CFAP100: variants seen among roughly 807,000 people sequenced by gnomAD.
CFAP100 encodes cilia and flagella associated protein 100, also known as cilia- and flagella-associated protein 100.
A neutral mutation model predicts 81.5 loss-of-function variants in CFAP100; 70 were observed. The observed-to-expected ratio is 0.86, with a 90% CI of 0.71 to 1.05. CFAP100 has a LOEUF of 1.05. Among genes scored for constraint, CFAP100 ranks in the 50% least tolerant of loss-of-function variants. CFAP100 has a pLI of 0.00. For synonymous variants in CFAP100, 341 were observed against 314.8 expected (o/e 1.08, Z -0.88); for missense variants, 811 against 776.5 (o/e 1.04, Z -0.53).
chr3:126,418,590 C>T (rs537434539), intron 6 of CFAP100, 21 bp from the exon 7 acceptor site: 1 of 1,611,940 alleles, frequency 6.2e-7, no homozygotes, highest in Non-Finnish European at 8.5e-7. Context: ...GGCACCATGA[C>T]CCCACTCTGC....
Position 126,434,308 on chromosome 3 carries a change from G to C in CFAP100, c.1555G>C (p.Glu519Gln). The C allele has an allele frequency of 1.9e-6, 3 of 1,614,132 alleles. No individual in the cohort carries two copies. The highest frequency in any genetic ancestry group is 3.3e-4 in the Middle Eastern group (2 of 6,060). ...IIEHQLDELL[E>Q]NLEHVPQVKI... is the part of the protein sequence containing the mutation. ...TGAGCACCAGCTGGATGAGCTGCTA[G>C]AGAACCTGGAGCACGTGCCCCAGGT... is the stretch of plus-strand genomic sequence containing the variant. Residue 519 changes from glutamate (E) to glutamine (Q), a missense_variant, in exon 15 of 17, where the codon GAG becomes CAG. Coordinates refer to ENST00000352312, the MANE Select transcript of CFAP100 (RefSeq NM_182628.3).
chr3:126,398,155 T>G (rs2082916638), intron 2 of CFAP100, among the ~76,000 whole-genome samples: 1 of 151,958 alleles, frequency 6.6e-6, no homozygotes. Flanking sequence ...AGGGGCTGGT[T>G]TGGCCACAGC....
At chr3:126,426,575 C>T (rs1932948742) in intron 13 of CFAP100, among the ~76,000 whole-genome samples, 1 of 152,032 alleles carries the variant, frequency 6.6e-6, no homozygotes, top group Non-Finnish European at 1.5e-5. Flanking sequence ...CATGGTAAAA[C>T]CCCGTCTCTA....
At chr3:126,420,531 T>TCTGGTC (rs2083313826) in intron 11 of CFAP100, 1 of 425,504 alleles carries the variant, frequency 2.4e-6, no homozygotes, top group Non-Finnish European at 4.3e-6. Context: ...CCCCTGGTTG[T>TCTGGTC]CTGGTCCTGG....
rs2083362484 is a variant in CFAP100, at chr3:126,423,375, A to AG, written c.1134+1dup. The AG allele has an allele frequency of 6.2e-7, 1 of 1,613,288 alleles. No individual in the cohort carries two copies. Among genetic ancestry groups the AG allele is most frequent in the Non-Finnish European group, 8.5e-7 (1 of 1,179,722 alleles). ...CAGGAGGACACCGACAGCGATGGGG[A>AG]GGTGAATGGCCCAGTGCTGGGCTGG... On this transcript the variant is annotated frameshift_variant and splice_region_variant, in exon 12 of 17. Coordinates refer to ENST00000352312, the MANE Select transcript of CFAP100 (RefSeq NM_182628.3). LOFTEE classifies it high-confidence loss of function.
chr3:126,412,142 T>C (rs2083168062), intron 3 of CFAP100, among the ~76,000 whole-genome samples: 1 of 152,208 alleles, frequency 6.6e-6, no homozygotes, highest in Admixed American at 6.5e-5. Context: ...CAAATTTCCA[T>C]TTTGATTTCC....
chr3:126,408,860 C>T (rs1384957538), intron 3 of CFAP100, among the ~76,000 whole-genome samples: 1 of 152,226 alleles, frequency 6.6e-6, no homozygotes, highest in Admixed American at 6.5e-5. Flanking sequence ...TCGATCACAG[C>T]TCACTGCAGC....
rs759082761 is a variant in CFAP100, at chr3:126,416,498, C to A, written c.408C>A (p.Thr136=). ...AFRDYTTWKL[T]LTKEKNVEPE... ...GCGACTACACGACCTGGAAGCTCAC[C>A]TTGACCAAAGGTGCGTCCCCTCCGG... The change falls in exon 5 of 17, where the codon ACC becomes ACA. Residue 136 remains threonine (T), a synonymous_variant. Transcript: ENST00000352312. 4 of 1,593,012 alleles carry A rather than the reference C, an allele frequency of 2.5e-6. No individual in the cohort carries two copies. In the African/African-American group the frequency reaches 5.4e-5, roughly 21 times the overall value.
At position 126,434,182 on chromosome 3, in the gene CFAP100, C is replaced by A; in HGVS notation, c.1429C>A (p.Leu477Met). ...GAAGCCACCTCCTCCACAGGATAAG[C>A]TGCTAGAGAGCCTGAACTGCAAGGT... ...GEYKGDQQDK[L>M]LESLNCKVLD... Residue 477 changes from leucine (L) to methionine (M), a missense_variant, in exon 15 of 17, where the codon CTG becomes ATG. Physicochemically the swap from Leu to Met is conservative, Grantham distance 15. Coordinates refer to ENST00000352312, the MANE Select transcript of CFAP100 (RefSeq NM_182628.3). The A allele has an allele frequency of 6.2e-7, 1 of 1,610,714 alleles. No homozygotes were observed. Among genetic ancestry groups the A allele is most frequent in the Non-Finnish European group, 8.5e-7 (1 of 1,177,890 alleles).
chr3:126,409,495 C>T (rs777631593), intron 3 of CFAP100, among the ~76,000 whole-genome samples: 9 of 152,184 alleles, frequency 5.9e-5, no homozygotes, highest in Non-Finnish European at 1.3e-4. Context: ...AATTGCTGGT[C>T]GTGTGTTTAA....
intron 13 of CFAP100, among the ~76,000 whole-genome samples, chr3:126,425,118 G>A (rs1478944347): frequency 6.6e-6 from 1 of 152,234 alleles, no homozygotes; most frequent in Non-Finnish European, 1.5e-5. Flanking sequence ...GAGGTGGACA[G>A]GCTCCAGCTT....
chr3:126,419,545 G>C (rs903072964), intron 8 of CFAP100, 92 bp from the exon 9 acceptor site: 203 of 1,175,160 alleles, frequency 1.7e-4, no homozygotes, highest in Non-Finnish European at 2.4e-4. Flanking sequence ...ACACAGACTT[G>C]GCCAGGATGG....
Position 126,419,785 on chromosome 3 carries a change from G to A in CFAP100, c.880G>A (p.Glu294Lys). 1.9e-6 allele frequency: 3 copies of A among 1,613,990 alleles called. No homozygotes were observed. The highest frequency in any genetic ancestry group is 2.5e-6 in the Non-Finnish European group (3 of 1,180,050). Residue 294 changes from glutamate to lysine, a missense_variant, in exon 9 of 17, where the codon GAG becomes AAG. By Grantham distance (56) the Glu-to-Lys change is moderately conservative. Transcript: ENST00000352312. ...CAAGGAGGTCTCCGAGGCTTCCAAA[G>A]AGAGCAGTGTTAACTCCACACCAGG... ...KAKEVSEASK[E>K]SSVNSTPGDK...
At chr3:126,425,775 A>G (rs1005697732) in intron 13 of CFAP100, among the ~76,000 whole-genome samples, 2 of 152,246 alleles carry the variant, frequency 1.3e-5, no homozygotes, top group Non-Finnish European at 2.9e-5. Context: ...AAAACTTAAC[A>G]TAATCTGTCA....
chr3:126,428,023 G>T (rs115524383), intron 13 of CFAP100, among the ~76,000 whole-genome samples: 1 of 152,168 alleles, frequency 6.6e-6, no homozygotes, highest in South Asian at 2.1e-4. Context: ...CACCATTCAT[G>T]AGAAACTGCC....
intron 3 of CFAP100, among the ~76,000 whole-genome samples, chr3:126,412,687 C>T (rs2083176999): frequency 6.6e-6 from 1 of 152,156 alleles, no homozygotes; most frequent in African/African-American, 2.4e-5. Flanking sequence ...GGGGTGGGCT[C>T]ATCTTCACCT....
intron 13 of CFAP100, among the ~76,000 whole-genome samples, chr3:126,427,089 T>C (rs143797303): frequency 6.6e-6 from 1 of 152,368 alleles, no homozygotes; most frequent in African/African-American, 2.4e-5. Context: ...CCACTTGATC[T>C]ATAACTTCAA....
rs1387621309 is a variant in CFAP100 at position 126,435,664 on chromosome 3, C to T, written c.1722+12C>T. ...AGATCAAGAAGAAGGTAGGCAGGGTCGCCTTGGGGGGTCTCTGCTGGAGGG... is the reference window on the plus strand; with the variant it reads ...AGATCAAGAAGAAGGTAGGCAGGGTTGCCTTGGGGGGTCTCTGCTGGAGGG... On this transcript the variant is annotated intron_variant, in intron 16 of 16. Coordinates refer to ENST00000352312, the MANE Select transcript of CFAP100 (RefSeq NM_182628.3). 2 of 1,606,450 alleles carry T rather than the reference C, an allele frequency of 1.2e-6. No homozygotes were observed. The highest frequency in any genetic ancestry group is 2.2e-5 in the East Asian group (1 of 44,600).
Position 126,416,528 on chromosome 3 carries a change from G to A in CFAP100, c.418+20G>A. 6.5e-7 allele frequency: 1 copy of A among 1,530,160 alleles called. No homozygotes were observed. The highest frequency in any genetic ancestry group is 2.4e-5 in the East Asian group (1 of 41,614). The allele number at this position is 1,530,160 out of a possible 1,614,324, so 94.8% of individuals were successfully genotyped here. On this transcript the variant is annotated intron_variant, in intron 5 of 16. Coordinates refer to ENST00000352312, the MANE Select transcript of CFAP100 (RefSeq NM_182628.3). ...CCAAAGGTGCGTCCCCTCCGGCGCG[G>A]GGGGACCTGGGCCAGTGGCGTCCCA...
Sources: allele counts gnomAD v4.1 joint callset (sites outside exome capture counted in the v4.1 genomes callset), GRCh38; gene constraint gnomAD v4.1.1; transcripts MANE v1.5; gene names NCBI Gene and HGNC (gene_info 2026-07-23, HGNC 2026-07-21).